GOLT1A: variants seen among roughly 807,000 people sequenced by gnomAD.
The protein encoded by GOLT1A is vesicle transport protein GOT1A.
Under a neutral mutation model 16.1 loss-of-function variants are expected in GOLT1A, and 10 were observed. The ratio of observed to expected loss-of-function variants is 0.62; its 90% confidence interval spans 0.38 to 1.05. The LOEUF (loss-of-function observed/expected upper bound fraction) is 1.05, where lower values mean the gene tolerates loss of function less well. Among genes scored for constraint, GOLT1A ranks in the 50% least tolerant of loss-of-function variants. The probability of loss-of-function intolerance (pLI) is 0.01; values close to 1 mark genes in which losing one functional copy is unlikely to be tolerated. For synonymous variants in GOLT1A, 60 were observed against 67.9 expected (o/e 0.88, Z 0.57); for missense variants, 137 against 165.7 (o/e 0.83, Z 0.95).
intron 3 of GOLT1A, among the ~76,000 whole-genome samples, chr1:204,199,486 A>C (rs1211495333): frequency 1.3e-5 from 2 of 152,174 alleles, no homozygotes; most frequent in Non-Finnish European, 2.9e-5. Context: ...ACTTACTGGC[A>C]CCATATACAC....
At chr1:204,200,906 C>T (rs78729989) in intron 3 of GOLT1A, among the ~76,000 whole-genome samples, 1,678 of 152,282 alleles carry the variant, frequency 0.011, 36 homozygotes, top group African/African-American at 0.038. Context: ...GTCTTCCTTC[C>T]CACCCCCACT....
rs778428721 is a variant in GOLT1A, at chr1:204,201,708, C to T, written c.221G>A (p.Gly74Asp). The change falls in exon 3 of 5, where the codon GGT becomes GAT. Residue 74 changes from glycine to aspartate, a missense_variant. Transcript: ENST00000308302. ...CCAGCGTAGGAGCACGATAACCACA[C>T]CCCCCAGGAGGAAGCTGGTTCCCTT... ...KLKGTSFLLGGVVIVLLRWPL... is the reference protein window; with the variant it reads ...KLKGTSFLLGDVVIVLLRWPL... 12 of 1,613,988 alleles carry T rather than the reference C, an allele frequency of 7.4e-6. No homozygotes were observed. The highest frequency in any genetic ancestry group is 3.3e-5 in the South Asian group (3 of 91,074).
chr1:204,198,230 C>T lies in GOLT1A; in HGVS notation c.*228G>A. On this transcript the variant is annotated 3_prime_UTR_variant, in exon 5 of 5. Transcript: ENST00000308302. The stretch of plus-strand genomic sequence containing the variant: ...TAAATATAGAGTGAGGGTGTGATAC[C>T]AGCCCCAGCCCAGTCTCCTTGGGGT... 2 of 538,944 alleles carry T rather than the reference C, an allele frequency of 3.7e-6. No individual in the cohort carries two copies. Among genetic ancestry groups the T allele is most frequent in the South Asian group, 5.2e-5 (2 of 38,526 alleles). 33.4% of individuals were successfully genotyped at this position (538,944 alleles called of 1,614,324 possible).
chr1:204,202,048 G>A (rs1434180394), intron 2 of GOLT1A, among the ~76,000 whole-genome samples: 1 of 152,086 alleles, frequency 6.6e-6, no homozygotes, highest in Admixed American at 6.5e-5. Context: ...GTTTCTAGTT[G>A]CCTACCCAAT....
intron 1 of GOLT1A, among the ~76,000 whole-genome samples, chr1:204,209,530 A>T (rs1659106275): frequency 6.6e-6 from 1 of 152,238 alleles, no homozygotes; most frequent in African/African-American, 2.4e-5. Flanking sequence ...TTCACTTTTT[A>T]AAATTAGCAA....
chr1:204,200,299 G>GTGTATATATATATATATATATA lies in GOLT1A; in HGVS notation c.297-1042_297-1041insTATATATATATATATATATACA. 6.0e-3 allele frequency among the ~76,000 whole-genome samples: 493 copies of GTGTATATATATATATATATATA among 82,452 alleles called. 7 individuals are homozygous for GTGTATATATATATATATATATA. The highest frequency in any genetic ancestry group is 0.01 in the East Asian group (26 of 2,486). 54.1% of individuals were successfully genotyped at this position (82,452 alleles called of 152,430 possible). ...GACTGTTTGAAAATGACATATATGT[G>GTGTATATATATATATATATATA]TATATATATATATATATATATGTTT... On this transcript the variant is annotated intron_variant, in intron 3 of 4. Transcript: ENST00000308302.
intron 3 of GOLT1A, 57 bp from the exon 4 acceptor site, chr1:204,199,315 G>A: frequency 1.4e-6 from 2 of 1,411,670 alleles, no homozygotes; most frequent in Non-Finnish European, 2.0e-6. Flanking sequence ...AGAGGATAGA[G>A]GGCACGAGGC....
chr1:204,212,196 A>T (rs928971812), intron 1 of GOLT1A, among the ~76,000 whole-genome samples: 1 of 152,050 alleles, frequency 6.6e-6, no homozygotes, highest in Admixed American at 6.6e-5. Flanking sequence ...AAAAATATAC[A>T]AGGCATTCTT....
chr1:204,208,503 A>ATATATATATATATAT lies in GOLT1A; in HGVS notation c.25+5378_25+5379insATATATATATATATA, dbSNP rs1355316440. On this transcript the variant is annotated intron_variant, in intron 1 of 4. Transcript: ENST00000308302. ...ATATATATATATATATATATATATA[A>ATATATATATATATAT]AAAATGAACTACTACTCAGTCACAA... Among the ~76,000 whole-genome samples, 66 of 50,850 alleles carry ATATATATATATATAT rather than the reference A, an allele frequency of 1.3e-3. 1 individual carries two copies. The highest frequency in any genetic ancestry group is 5.0e-3 in the African/African-American group (61 of 12,242). 33.4% of individuals were successfully genotyped at this position (50,850 alleles called of 152,430 possible).
chr1:204,211,123 G>A (rs1659131138), intron 1 of GOLT1A, among the ~76,000 whole-genome samples: 1 of 152,084 alleles, frequency 6.6e-6, no homozygotes, highest in Non-Finnish European at 1.5e-5. Context: ...GACGTATGCA[G>A]CAGCCCCCAT....
intron 2 of GOLT1A, among the ~76,000 whole-genome samples, 199 bp downstream of exon 2, chr1:204,202,697 T>C (rs1380973024): frequency 6.6e-6 from 1 of 152,028 alleles, no homozygotes; most frequent in Non-Finnish European, 1.5e-5. Context: ...CTGCGTCCAT[T>C]TCCTGTGCCC....
chr1:204,209,054 G>A (rs1379835201), intron 1 of GOLT1A, among the ~76,000 whole-genome samples: 2 of 152,120 alleles, frequency 1.3e-5, no homozygotes, highest in African/African-American at 2.4e-5. Context: ...AAACTCTTCT[G>A]TCTGGAACAG....
intron 1 of GOLT1A, among the ~76,000 whole-genome samples, chr1:204,208,864 C>CA (rs919552946): frequency 6.6e-6 from 1 of 152,002 alleles, no homozygotes; most frequent in African/African-American, 2.4e-5. Context: ...AACAAGCAAA[C>CA]AAAAAATTCT....
chr1:204,203,642 C>G (rs576335437), intron 1 of GOLT1A, among the ~76,000 whole-genome samples: 2 of 152,356 alleles, frequency 1.3e-5, no homozygotes, highest in African/African-American at 4.8e-5. Flanking sequence ...ATCCAAGACC[C>G]AAGCCTGCAC....
chr1:204,210,867 T>C (rs1201635255), intron 1 of GOLT1A, among the ~76,000 whole-genome samples: 1 of 152,226 alleles, frequency 6.6e-6, no homozygotes. Context: ...CATCTTGAAC[T>C]GGGCTAATCT....
chr1:204,208,440 ATG>A (rs1207572209), intron 1 of GOLT1A, among the ~76,000 whole-genome samples: 1 of 80,804 alleles, frequency 1.2e-5, no homozygotes, highest in Non-Finnish European at 3.1e-5. Flanking sequence ...ATGTATACAT[ATG>A]TGTGTATATA....
intron 1 of GOLT1A, among the ~76,000 whole-genome samples, chr1:204,204,896 G>T (rs1659016347): frequency 6.6e-6 from 1 of 152,182 alleles, no homozygotes; most frequent in Non-Finnish European, 1.5e-5. Flanking sequence ...TTGTGGTTTT[G>T]ACTTACATTT....
chr1:204,199,660 T>C (rs922759969), intron 3 of GOLT1A, among the ~76,000 whole-genome samples: 4 of 152,196 alleles, frequency 2.6e-5, no homozygotes, highest in Non-Finnish European at 4.4e-5. Flanking sequence ...CCTAAAGCTT[T>C]CTTCTCTTCC....
At chr1:204,203,401 G>A (rs73071937) in intron 1 of GOLT1A, among the ~76,000 whole-genome samples, 3,153 of 152,226 alleles carry the variant, frequency 0.021, 111 homozygotes, top group African/African-American at 0.073. Flanking sequence ...CCCACACTGC[G>A]CAGAAGGGAG....
Sources: gnomAD v4.1 joint callset for allele counts (sites outside exome capture counted in the v4.1 genomes callset) on GRCh38, gnomAD v4.1.1 for gene constraint, MANE v1.5 for transcripts, NCBI Gene and HGNC (gene_info 2026-07-23, HGNC 2026-07-21) for gene names.